DCAF8L2: variants seen among roughly 807,000 people sequenced by gnomAD.
DCAF8L2 encodes the protein DDB1 and CUL4 associated factor 8 like 2, also known as DDB1- and CUL4-associated factor 8-like protein 2.
For synonymous variants in DCAF8L2, 200 were observed against 190.9 expected, an observed-to-expected ratio of 1.05 and a Z score of -0.39; for missense variants, 430 against 490.7, an observed-to-expected ratio of 0.88 and a Z score of 1.17.
chrX:27,579,854 C>T, the DCAF8L2 span, among the ~76,000 whole-genome samples: 1 of 108,724 alleles, frequency 9.2e-6, no homozygotes, highest in African/African-American at 3.3e-5. Flanking sequence ...TAAAGCAGTG[C>T]CCTCTTCTCA....
intron 2 of DCAF8L2, among the ~76,000 whole-genome samples, chrX:27,643,585 AATTT>A (rs1381188108): frequency 2.7e-5 from 3 of 111,984 alleles, no homozygotes; most frequent in African/African-American, 9.7e-5. Context: ...ATATAGCTAC[AATTT>A]TAAAGCTCTT....
chrX:27,607,826 G>A (rs1384435979), intron 1 of DCAF8L2, among the ~76,000 whole-genome samples: 1 of 110,907 alleles, frequency 9.0e-6, no homozygotes, highest in African/African-American at 3.3e-5. Flanking sequence ...ATTAGTTTTA[G>A]TTTCTGTTTC....
In DCAF8L2 at chrX:27,747,799, T is replaced by C. The variant is rs767811299; in HGVS notation, c.904T>C (p.Leu302=). The change falls in exon 5 of 5, where the codon TTA becomes CTA. Residue 302 remains leucine (L), a synonymous_variant. Coordinates refer to ENST00000451261, the MANE Select transcript of DCAF8L2 (RefSeq NM_001353450.2). ...TGATGGGCAGGTACGGGTAGCAGAG[T>C]TAATTAATGCATCATATTTCAACAA... is the stretch of plus-strand genomic sequence containing the variant. The part of the protein sequence containing the change: ...ARDGQVRVAE[L]INASYFNNTK... The C allele has an allele frequency of 3.3e-6, 4 of 1,206,996 alleles. No homozygotes were observed. In the South Asian group the frequency reaches 7.1e-5, roughly 21 times the overall value.
intron 2 of DCAF8L2, among the ~76,000 whole-genome samples, chrX:27,636,954 G>T (rs1432391699): frequency 9.0e-6 from 1 of 111,405 alleles, no homozygotes. Context: ...TCCATGCTCT[G>T]GCCACTAGGA....
the DCAF8L2 span, among the ~76,000 whole-genome samples, chrX:27,498,332 A>G: frequency 3.6e-5 from 4 of 112,250 alleles, no homozygotes; most frequent in African/African-American, 1.3e-4. Context: ...ATCCTCACCA[A>G]CAATTATTTT....
the DCAF8L2 span, among the ~76,000 whole-genome samples, chrX:27,539,999 T>G: frequency 2.7e-5 from 3 of 110,525 alleles, no homozygotes; most frequent in African/African-American, 9.9e-5. Flanking sequence ...TCTCTCTTCC[T>G]GGATACAGAA....
chrX:27,611,622 T>A (rs995478420), intron 1 of DCAF8L2, among the ~76,000 whole-genome samples: 1 of 106,028 alleles, frequency 9.4e-6, no homozygotes, highest in Non-Finnish European at 1.9e-5. Flanking sequence ...GGCCCCGGTG[T>A]GTGATGTTCC....
chrX:27,711,474 T>C (rs1931532731), intron 3 of DCAF8L2, among the ~76,000 whole-genome samples: 1 of 108,121 alleles, frequency 9.2e-6, no homozygotes, highest in Non-Finnish European at 1.9e-5. Context: ...CTTATATGTG[T>C]ATATATATAC....
At chrX:27,475,558 G>A in the DCAF8L2 span, among the ~76,000 whole-genome samples, 1 of 111,702 alleles carries the variant, frequency 9.0e-6, no homozygotes, top group East Asian at 2.8e-4. Context: ...TGGATTATTA[G>A]TGTGTCGCTT....
the DCAF8L2 span, among the ~76,000 whole-genome samples, chrX:27,529,421 AGGTACCTAAT>A: frequency 4.2e-4 from 47 of 111,891 alleles, no homozygotes; most frequent in African/African-American, 1.4e-3. Context: ...AAATTAGATC[AGGTACCTAAT>A]GAACTTACAG....
the DCAF8L2 span, among the ~76,000 whole-genome samples, chrX:27,494,050 C>G: frequency 8.9e-6 from 1 of 111,853 alleles, no homozygotes; most frequent in East Asian, 2.8e-4. Flanking sequence ...ACATATAATG[C>G]TTCTATAAAC....
chrX:27,533,139 G>GA, the DCAF8L2 span, among the ~76,000 whole-genome samples: 229 of 32,451 alleles, frequency 7.1e-3, 7 homozygotes, highest in African/African-American at 0.019. Context: ...AGGAAGGAAG[G>GA]AAGAAAGAGA....
the DCAF8L2 span, among the ~76,000 whole-genome samples, chrX:27,502,329 AAAAAAAATAT>A: frequency 3.1e-5 from 1 of 32,111 alleles, no homozygotes; most frequent in African/African-American, 1.3e-4. Context: ...AAAAAAAAAA[AAAAAAAATAT>A]ATATATATAT....
At chrX:27,552,676 T>C in the DCAF8L2 span, among the ~76,000 whole-genome samples, 1 of 111,956 alleles carries the variant, frequency 8.9e-6, no homozygotes, top group Non-Finnish European at 1.9e-5. Context: ...TATGCCAATA[T>C]CATGCTGATT....
intron 1 of DCAF8L2, among the ~76,000 whole-genome samples, chrX:27,603,926 G>T (rs762113825): frequency 9.0e-6 from 1 of 111,480 alleles, no homozygotes; most frequent in African/African-American, 3.2e-5. Flanking sequence ...CAACTGAGTA[G>T]CTATTGGCAC....
the DCAF8L2 span, among the ~76,000 whole-genome samples, chrX:27,497,505 T>TTCCTTCCTTCC: frequency 0.01 from 244 of 23,402 alleles, 3 homozygotes; most frequent in African/African-American, 0.028. Flanking sequence ...TTATTCTTTC[T>TTCCTTCCTTCC]TTCTTTCCTT....
At chrX:27,699,127 T>G (rs764293301) in intron 3 of DCAF8L2, among the ~76,000 whole-genome samples, 7 of 111,137 alleles carry the variant, frequency 6.3e-5, no homozygotes, top group Non-Finnish European at 1.1e-4. Flanking sequence ...TTGAAAAAAA[T>G]GTGATTCAGT....
chrX:27,746,621 G>T (rs1015200791), intron 4 of DCAF8L2, among the ~76,000 whole-genome samples: 2 of 111,903 alleles, frequency 1.8e-5, no homozygotes, highest in African/African-American at 6.5e-5. Context: ...GCCTGTCGGG[G>T]TGGGGCTCTG....
At chrX:27,560,910 A>G in the DCAF8L2 span, among the ~76,000 whole-genome samples, 13 of 112,272 alleles carry the variant, frequency 1.2e-4, no homozygotes, top group Middle Eastern at 9.4e-3. Flanking sequence ...GTGTTTGCCA[A>G]ATCTTATGGC....
Sources: gnomAD v4.1 joint callset for allele counts (sites outside exome capture counted in the v4.1 genomes callset) on GRCh38, gnomAD v4.1.1 for gene constraint, MANE v1.5 for transcripts, NCBI Gene and HGNC (gene_info 2026-07-23, HGNC 2026-07-21) for gene names.